The following UBR1 variants were observed in gnomAD, a reference collection of about 807,000 sequenced individuals.
UBR1 encodes E3 ubiquitin-protein ligase UBR1.
Under a neutral mutation model 242.1 loss-of-function variants are expected in UBR1, and 102 were observed. The ratio of observed to expected loss-of-function variants is 0.42; its 90% CI spans 0.36 to 0.50. The LOEUF (loss-of-function observed/expected upper bound fraction) is 0.50, where lower values mean the gene tolerates loss of function less well. Ranked by LOEUF, UBR1 falls within the 20% of genes least tolerant of loss-of-function variation. UBR1 has a pLI of 0.01. For synonymous variants in UBR1, 675 were observed against 684.8 expected (o/e 0.99, Z 0.22); for missense variants, 1,772 against 2,101.8 (o/e 0.84, Z 3.07).
At chr15:42,990,227 C>T in intron 33 of UBR1, 107 bp from the exon 34 acceptor site, 1 of 805,976 alleles carries the variant, frequency 1.2e-6, no homozygotes, top group Non-Finnish European at 2.1e-6. Context: ...CTCTGTCACC[C>T]ATGCTGGAGC....
At chr15:43,065,081 G>C (rs1388406946) in intron 6 of UBR1, among the ~76,000 whole-genome samples, 1 of 152,134 alleles carries the variant, frequency 6.6e-6, no homozygotes, top group African/African-American at 2.4e-5. Flanking sequence ...TGTACAACTA[G>C]TACTGTAGTT....
chr15:42,983,590 G>A (rs1000798805), intron 37 of UBR1, among the ~76,000 whole-genome samples: 4 of 151,168 alleles, frequency 2.6e-5, no homozygotes, highest in Non-Finnish European at 5.9e-5. Flanking sequence ...ACTTGAACAC[G>A]TGAGGTGGAA....
chr15:42,963,982 G>A lies in UBR1; in HGVS notation c.4653C>T (p.Phe1551=), dbSNP rs768574833. The A allele has an allele frequency of 2.5e-5, 40 of 1,613,510 alleles. No individual in the cohort carries two copies. The highest frequency in any genetic ancestry group is 3.3e-4 in the Middle Eastern group (2 of 6,084). The change falls in exon 42 of 47, where the codon TTC becomes TTT. Residue 1551 remains phenylalanine (F), a synonymous_variant. Transcript: ENST00000290650. ...CSYLSLPTNL[F]LLFQEYWDTV... ...TATCCCAATATTCCTGGAAGAGCAG[G>A]AACAAATTTGTAGGTAAAGATAGAT...
chr15:43,047,564 A>C (rs1237934812), intron 13 of UBR1, among the ~76,000 whole-genome samples: 1 of 152,126 alleles, frequency 6.6e-6, no homozygotes, highest in Non-Finnish European at 1.5e-5. Context: ...TTTTTTCCTA[A>C]ATGCAGTTCT....
chr15:43,088,694 G>C (rs566321563), intron 1 of UBR1, among the ~76,000 whole-genome samples: 1 of 151,772 alleles, frequency 6.6e-6, no homozygotes, highest in Non-Finnish European at 1.5e-5. Context: ...ATAGACTAAG[G>C]GTCTGGAAGG....
At chr15:42,988,776 ATTCTCACTG>A in intron 35 of UBR1, 34 bp downstream of exon 35, 1 of 1,612,930 alleles carries the variant, frequency 6.2e-7, no homozygotes, top group Non-Finnish European at 8.5e-7. Flanking sequence ...ATCAAAGTTA[ATTCTCACTG>A]AAACCTCCAA....
At chr15:43,060,684 C>G (rs2033672951) in intron 6 of UBR1, among the ~76,000 whole-genome samples, 1 of 152,098 alleles carries the variant, frequency 6.6e-6, no homozygotes, top group South Asian at 2.1e-4. Context: ...CCTCATTTAA[C>G]CTTTACAATG....
intron 6 of UBR1, among the ~76,000 whole-genome samples, chr15:43,062,950 C>T (rs963287440): frequency 6.6e-6 from 1 of 151,896 alleles, no homozygotes; most frequent in Non-Finnish European, 1.5e-5. Flanking sequence ...TACCTTTATC[C>T]TCATACTATA....
At chr15:43,093,686 C>T (rs1830566426) in intron 1 of UBR1, among the ~76,000 whole-genome samples, 1 of 150,652 alleles carries the variant, frequency 6.6e-6, no homozygotes, top group Non-Finnish European at 1.5e-5. Context: ...GGCTGGGTAC[C>T]TGAGTGGGAG....
At chr15:43,029,022 T>G (rs905742742) in intron 21 of UBR1, among the ~76,000 whole-genome samples, 5 of 151,842 alleles carry the variant, frequency 3.3e-5, no homozygotes, top group Admixed American at 6.6e-5. Context: ...GAGACGGAGG[T>G]TGCAGTGAGC....
At chr15:43,063,978 C>T (rs1040789490) in intron 6 of UBR1, among the ~76,000 whole-genome samples, 9 of 152,316 alleles carry the variant, frequency 5.9e-5, no homozygotes, top group Admixed American at 2.6e-4. Context: ...TCAGGAGATC[C>T]GCCCACCTCA....
chr15:42,951,450 C>T lies in UBR1; in HGVS notation c.5006+828G>A, dbSNP rs371957022. On this transcript the variant is annotated intron_variant, in intron 45 of 46. Transcript: ENST00000290650. ...CGTTGGCCAGGCTGGTCTTGAACTC[C>T]TGACCTTGTGATCTACCTGCCTCGG... Among the ~76,000 whole-genome samples, 25 of 152,312 alleles carry T rather than the reference C, an allele frequency of 1.6e-4. 2 individuals carry two copies. In the South Asian group the frequency reaches 5.2e-3, roughly 32 times the overall value.
At chr15:43,059,901 A>C (rs1174174901) in intron 7 of UBR1, 76 bp from the exon 8 acceptor site, 20 of 1,581,942 alleles carry the variant, frequency 1.3e-5, no homozygotes, top group Non-Finnish European at 1.6e-5. Context: ...ACTTCAAATG[A>C]AGAAATCACA....
At chr15:43,091,182 C>T (rs2034101950) in intron 1 of UBR1, among the ~76,000 whole-genome samples, 1 of 152,138 alleles carries the variant, frequency 6.6e-6, no homozygotes, top group African/African-American at 2.4e-5. Flanking sequence ...AGGTGATCCG[C>T]CCACCTCAGC....
chr15:43,067,093 A>G (rs2033762780), intron 6 of UBR1, among the ~76,000 whole-genome samples: 1 of 152,242 alleles, frequency 6.6e-6, no homozygotes, highest in Admixed American at 6.5e-5. Flanking sequence ...AGATAATAAT[A>G]TGAGTATCAG....
chr15:42,994,225 C>T (rs2032599247), intron 33 of UBR1, among the ~76,000 whole-genome samples: 1 of 151,680 alleles, frequency 6.6e-6, no homozygotes, highest in Admixed American at 6.6e-5. Flanking sequence ...TCTTACATGG[C>T]CTAATTTATT....
At chr15:43,030,303 TACAA>T (rs1023894366) in intron 20 of UBR1, among the ~76,000 whole-genome samples, 18 of 152,276 alleles carry the variant, frequency 1.2e-4, no homozygotes, top group South Asian at 4.1e-4. Context: ...CTTACACACA[TACAA>T]ACAAACACAC....
At chr15:42,985,100 C>G (rs1285969765) in intron 35 of UBR1, among the ~76,000 whole-genome samples, 158 bp from the exon 36 acceptor site, 5 of 151,948 alleles carry the variant, frequency 3.3e-5, no homozygotes, top group African/African-American at 1.2e-4. Context: ...CAAAATTTTC[C>G]AATTTTTGAG....
chr15:42,945,995 C>T (rs985645063), intron 46 of UBR1, among the ~76,000 whole-genome samples: 1 of 152,182 alleles, frequency 6.6e-6, no homozygotes, highest in Non-Finnish European at 1.5e-5. Flanking sequence ...TAGAGTTGCA[C>T]AGTTTTTAAC....
Sources: allele counts gnomAD v4.1 joint callset (sites outside exome capture counted in the v4.1 genomes callset), GRCh38; gene constraint gnomAD v4.1.1; transcripts MANE v1.5; gene names NCBI Gene and HGNC (gene_info 2026-07-23, HGNC 2026-07-21).